The following ABL2 variants were observed in gnomAD, a reference collection of about 807,000 sequenced individuals.
ABL2 encodes tyrosine-protein kinase ABL2.
A neutral mutation model predicts 107.7 loss-of-function variants in ABL2; 49 were observed. The observed-to-expected ratio is 0.45, with a 90% CI of 0.36 to 0.58. The LOEUF is 0.58. Among genes scored for constraint, ABL2 ranks in the 20% least tolerant of loss-of-function variants. The pLI, the probability that ABL2 is intolerant of heterozygous loss-of-function variation, is 0.00. For synonymous variants in ABL2, 549 were observed against 548.6 expected (o/e 1.00, Z -0.01); for missense variants, 1,245 against 1,457.0 (o/e 0.85, Z 2.37).
intron 1 of ABL2, among the ~76,000 whole-genome samples, chr1:179,153,488 A>C (rs1404961984): frequency 1.3e-5 from 2 of 152,162 alleles, no homozygotes; most frequent in African/African-American, 4.8e-5. Flanking sequence ...GTGGCTGCCA[A>C]CATTCTTTGG....
At chr1:179,134,872 G>C (rs2102678727) in intron 1 of ABL2, among the ~76,000 whole-genome samples, 1 of 152,368 alleles carries the variant, frequency 6.6e-6, no homozygotes, top group East Asian at 1.9e-4. Flanking sequence ...TGCGAGTGCA[G>C]GCGCGCACCG....
intron 4 of ABL2, among the ~76,000 whole-genome samples, chr1:179,124,067 C>A (rs1655493123): frequency 6.6e-6 from 1 of 151,952 alleles, no homozygotes. Context: ...TGGTGAAACA[C>A]CGTCTCTACT....
intron 1 of ABL2, among the ~76,000 whole-genome samples, chr1:179,159,281 A>G (rs1237493968): frequency 1.3e-5 from 2 of 152,196 alleles, no homozygotes; most frequent in East Asian, 3.8e-4. Flanking sequence ...CAGTTTTCCA[A>G]TTCATAAAGA....
chr1:179,131,516 G>A (rs1394550186), intron 2 of ABL2, 35 bp from the exon 3 acceptor site: 1 of 1,598,818 alleles, frequency 6.3e-7, no homozygotes, highest in African/African-American at 1.3e-5. Flanking sequence ...AATTCACGGT[G>A]AGTTCAACAG....
chr1:179,138,160 G>C (rs1657216392), intron 1 of ABL2, among the ~76,000 whole-genome samples: 1 of 152,216 alleles, frequency 6.6e-6, no homozygotes. Flanking sequence ...TAATCATGCT[G>C]ATAACTCAGT....
At chr1:179,139,953 C>T (rs1657421854) in intron 1 of ABL2, among the ~76,000 whole-genome samples, 1 of 152,108 alleles carries the variant, frequency 6.6e-6, no homozygotes, top group African/African-American at 2.4e-5. Context: ...GAAACTGGTC[C>T]CTGGTGCCAA....
At chr1:179,120,837 T>C (rs1348383223) in intron 5 of ABL2, among the ~76,000 whole-genome samples, 3 of 152,208 alleles carry the variant, frequency 2.0e-5, no homozygotes, top group Admixed American at 6.5e-5. Context: ...ACAGGAGCCC[T>C]GTATTGGATA....
chr1:179,176,709 T>TTTTTTTTTTTTTTC (rs1423521477), intron 1 of ABL2, among the ~76,000 whole-genome samples: 3 of 148,098 alleles, frequency 2.0e-5, no homozygotes, highest in African/African-American at 7.5e-5. Context: ...ATTCTTTTTT[T>TTTTTTTTTTTTTTC]TTTCCAGACA....
chr1:179,130,906 C>T (rs1277990649), intron 3 of ABL2, among the ~76,000 whole-genome samples: 1 of 151,162 alleles, frequency 6.6e-6, no homozygotes, highest in African/African-American at 2.4e-5. Context: ...ATGAAAGCCA[C>T]TGCCGGGGAA....
In ABL2 at chr1:179,131,465, G is replaced by A. The variant is rs749158603; in HGVS notation, c.237C>T (p.Pro79=). The change falls in exon 3 of 12, where the codon CCC becomes CCT. Residue 79 remains proline, a synonymous_variant. Transcript: ENST00000502732. Reference sequence around the variant, plus strand: ...CCTGGGGTTCAACATCACAACCATAGGGACGATGCAAAGCTTCTGAAAGAC... The same window carrying A: ...CCTGGGGTTCAACATCACAACCATAAGGACGATGCAAAGCTTCTGAAAGAC... ...GGSSPEALHR[P]YGCDVEPQAL... The A allele has an allele frequency of 2.5e-6, 4 of 1,613,848 alleles. No individual in the cohort carries two copies. The African/African-American group carries it at 5.3e-5, about 22-fold the overall frequency.
intron 6 of ABL2, among the ~76,000 whole-genome samples, chr1:179,119,747 A>AT (rs1655007279): frequency 6.6e-6 from 1 of 151,932 alleles, no homozygotes; most frequent in Admixed American, 6.6e-5. Context: ...ATGTCTCTTT[A>AT]TTTTGCAAAA....
intron 1 of ABL2, among the ~76,000 whole-genome samples, chr1:179,187,575 T>G (rs1660744671): frequency 2.0e-5 from 3 of 152,218 alleles, no homozygotes; most frequent in Admixed American, 2.0e-4. Context: ...TTTGGGGAAT[T>G]TTACCATATT....
chr1:179,130,781 C>T (rs1656237718), intron 3 of ABL2, among the ~76,000 whole-genome samples: 1 of 148,634 alleles, frequency 6.7e-6, no homozygotes, highest in South Asian at 2.1e-4. Context: ...CACACGCATG[C>T]AAAGGCAAAA....
intron 1 of ABL2, among the ~76,000 whole-genome samples, chr1:179,200,791 T>G (rs996290138): frequency 2.0e-5 from 3 of 152,150 alleles, no homozygotes; most frequent in Admixed American, 6.5e-5. Flanking sequence ...CAAAGGGATA[T>G]AAAGCAAAAT....
intron 1 of ABL2, among the ~76,000 whole-genome samples, chr1:179,167,494 T>C (rs568853317): frequency 8.5e-5 from 13 of 152,332 alleles, no homozygotes; most frequent in African/African-American, 3.1e-4. Flanking sequence ...TAAGTTCTAA[T>C]GTTCATTGAC....
At chr1:179,118,829 C>G in intron 6 of ABL2, 65 bp from the exon 7 acceptor site, 1 of 1,532,070 alleles carries the variant, frequency 6.5e-7, no homozygotes, top group Non-Finnish European at 8.9e-7. Flanking sequence ...ACCACTTTGG[C>G]CAAGAATAAT....
chr1:179,134,593 A>T (rs945003030), intron 1 of ABL2, among the ~76,000 whole-genome samples: 7 of 152,158 alleles, frequency 4.6e-5, no homozygotes, highest in African/African-American at 1.7e-4. Context: ...AAACACAGGA[A>T]CGTTATTTAG....
At chr1:179,143,090 G>T in intron 1 of ABL2, 1 of 1,598,494 alleles carries the variant, frequency 6.3e-7, no homozygotes, top group Non-Finnish European at 8.5e-7. Context: ...GTGTAAAGAG[G>T]AAGTCTTAGA....
intron 1 of ABL2, among the ~76,000 whole-genome samples, chr1:179,189,824 TTTG>T (rs1228502196): frequency 4.6e-5 from 7 of 151,868 alleles, no homozygotes; most frequent in Non-Finnish European, 8.8e-5. Flanking sequence ...TACCATTTTT[TTTG>T]TTTTTTTTTT....
Sources: gnomAD v4.1 joint callset for allele counts (sites outside exome capture counted in the v4.1 genomes callset) on GRCh38, gnomAD v4.1.1 for gene constraint, MANE v1.5 for transcripts, NCBI Gene and HGNC (gene_info 2026-07-23, HGNC 2026-07-21) for gene names.